SPATA31H1: variants seen among roughly 807,000 people sequenced by gnomAD.
The protein encoded by SPATA31H1 is spermatogenesis-associated protein 31H1.
chr2:27,537,800 G>A, the SPATA31H1 span, among the ~76,000 whole-genome samples: 2 of 152,124 alleles, frequency 1.3e-5, no homozygotes, highest in Non-Finnish European at 2.9e-5. Flanking sequence ...GGGGGAGATG[G>A]ATATACACAT....
chr2:27,542,740 T>C, the SPATA31H1 span, among the ~76,000 whole-genome samples: 1 of 151,932 alleles, frequency 6.6e-6, no homozygotes, highest in South Asian at 2.1e-4. Context: ...TTTACAGTCT[T>C]ATATAACTGG....
the SPATA31H1 span, chr2:27,576,777 C>T: frequency 6.2e-7 from 1 of 1,613,898 alleles, no homozygotes; most frequent in Admixed American, 1.7e-5. Flanking sequence ...TACTGTAGAG[C>T]CAAAGTTGCA....
the SPATA31H1 span, among the ~76,000 whole-genome samples, chr2:27,550,441 C>T: frequency 4.7e-4 from 51 of 108,742 alleles, no homozygotes; most frequent in South Asian, 1.8e-3. Context: ...TTTTTTGAGA[C>T]AGAGTCTCAC....
chr2:27,573,294 G>A, the SPATA31H1 span: 8 of 398,022 alleles, frequency 2.0e-5, no homozygotes, highest in Non-Finnish European at 3.5e-5. Context: ...GCTTCAAGGT[G>A]TAAAAGATGT....
At chr2:27,548,261 G>A in the SPATA31H1 span, among the ~76,000 whole-genome samples, 9 of 151,758 alleles carry the variant, frequency 5.9e-5, no homozygotes, top group African/African-American at 2.2e-4. Context: ...GAGCCACCGC[G>A]CCCGGACTTA....
At chr2:27,574,445 A>C in the SPATA31H1 span, 15 of 398,518 alleles carry the variant, frequency 3.8e-5, no homozygotes, top group South Asian at 1.4e-3. Context: ...AGCTGGAATC[A>C]GGCCCACAGT....
chr2:27,566,490 G>GT, the SPATA31H1 span: 10 of 655,128 alleles, frequency 1.5e-5, no homozygotes, highest in Non-Finnish European at 2.8e-5. Context: ...GAGAGAGTTT[G>GT]TTTTGTCTGT....
At chr2:27,556,037 CAGA>C in the SPATA31H1 span, among the ~76,000 whole-genome samples, 2 of 147,852 alleles carry the variant, frequency 1.4e-5, no homozygotes, top group Non-Finnish European at 3.0e-5. Context: ...GAAGCTGAGG[CAGA>C]AGAAGTGCTT....
At chr2:27,578,043 A>G in the SPATA31H1 span, 1 of 1,614,152 alleles carries the variant, frequency 6.2e-7, no homozygotes, top group Non-Finnish European at 8.5e-7. Context: ...ATCTGCAAGG[A>G]CACAGCTTCA....
chr2:27,579,876 A>ATACCCCCCGATG, the SPATA31H1 span: 1 of 1,614,174 alleles, frequency 6.2e-7, no homozygotes, highest in East Asian at 2.2e-5. Flanking sequence ...AAGGAGTCAA[A>ATACCCCCCGATG]TACCCCCCGA....
At chr2:27,548,931 AG>A in the SPATA31H1 span, among the ~76,000 whole-genome samples, 1 of 150,582 alleles carries the variant, frequency 6.6e-6, no homozygotes, top group African/African-American at 2.5e-5. Context: ...AAAATTTGCC[AG>A]GTGTGGTGGC....
chr2:27,577,723 A>G, the SPATA31H1 span: 1 of 1,614,012 alleles, frequency 6.2e-7, no homozygotes. The surrounding 1 kb of genome is among the most constrained non-coding windows in gnomAD (Gnocchi z 4.5). Context: ...AAACCACAGC[A>G]TCATGTGGGA....
chr2:27,561,500 C>T, the SPATA31H1 span, among the ~76,000 whole-genome samples: 28 of 152,102 alleles, frequency 1.8e-4, no homozygotes, highest in Non-Finnish European at 3.5e-4. Context: ...TCTTTTTCAG[C>T]AATTATGCCT....
At chr2:27,580,233 C>G in the SPATA31H1 span, 1 of 1,614,170 alleles carries the variant, frequency 6.2e-7, no homozygotes, top group South Asian at 1.1e-5. Context: ...GCAGTCTGGG[C>G]CTTCCCAGTC....
At chr2:27,545,922 G>A in the SPATA31H1 span, among the ~76,000 whole-genome samples, 5 of 151,880 alleles carry the variant, frequency 3.3e-5, no homozygotes, top group African/African-American at 9.7e-5. Context: ...TGGTTTTAAT[G>A]TGCATTTCCC....
the SPATA31H1 span, chr2:27,581,389 G>A: frequency 6.2e-7 from 1 of 1,612,192 alleles, no homozygotes; most frequent in Admixed American, 1.7e-5. Context: ...GAGAGAAGCT[G>A]GCGCAGTCCG....
the SPATA31H1 span, among the ~76,000 whole-genome samples, chr2:27,555,725 C>T: frequency 1.3e-5 from 2 of 151,940 alleles, no homozygotes; most frequent in Non-Finnish European, 1.5e-5. Context: ...TCTTTTAGCA[C>T]ATTAAAAGAT....
chr2:27,574,892 T>C, the SPATA31H1 span: 2 of 398,398 alleles, frequency 5.0e-6, no homozygotes, highest in Non-Finnish European at 8.8e-6. Flanking sequence ...GTATGAAATC[T>C]TCTGAAGTGA....
At chr2:27,568,672 A>G in the SPATA31H1 span, 1 of 398,912 alleles carries the variant, frequency 2.5e-6, no homozygotes, top group Non-Finnish European at 4.4e-6. Flanking sequence ...GAAGATACAA[A>G]ATCTGCGGAG....
Sources: gnomAD v4.1 joint callset for allele counts (sites outside exome capture counted in the v4.1 genomes callset) on GRCh38, gnomAD v4.1.1 for gene constraint, Gnocchi (gnomAD v3.1) non-coding constraint, MANE v1.5 for transcripts, NCBI Gene and HGNC (gene_info 2026-07-23, HGNC 2026-07-21) for gene names.